Variants in SLCO3A1 observed in about 807,000 individuals in gnomAD.
SLCO3A1 encodes the protein solute carrier organic anion transporter family member 3A1, also known as PGE1 transporter.
SLCO3A1 carries 27 observed loss-of-function variants against 63.1 expected under a neutral mutation model. The observed-to-expected ratio is 0.43, with a 90% confidence interval of 0.32 to 0.59. The LOEUF (loss-of-function observed/expected upper bound fraction) is 0.59, where lower values mean the gene tolerates loss of function less well. Among genes scored for constraint, SLCO3A1 ranks in the 20% least tolerant of loss-of-function variants. The pLI, the probability that SLCO3A1 is intolerant of heterozygous loss-of-function variation, is 0.09. For missense variants in SLCO3A1, 773 were observed against 945.8 expected (o/e 0.82, Z 2.40); for synonymous variants, 473 against 409.9 (o/e 1.15, Z -1.86).
chr15:92,163,049 G>A lies in SLCO3A1; in HGVS notation c.2047G>A (p.Val683Met). Residue 683 changes from valine (V) to methionine (M), a missense_variant, in exon 10 of 10, where the codon GTG becomes ATG. Transcript: ENST00000318445. ...CCTAGACAACCTGGGGAGGGACCCT[G>A]TGCCCGCAAACCAGACACATAGGAC... ...LTLDNLGRDPVPANQTHRTKF... is the reference protein window; with the variant it reads ...LTLDNLGRDPMPANQTHRTKF... The A allele has an allele frequency of 6.3e-7, 1 of 1,584,578 alleles. No homozygotes were observed. Among genetic ancestry groups the A allele is most frequent in the Middle Eastern group, 1.7e-4 (1 of 5,888 alleles).
At position 92,162,937 on chromosome 15, in the gene SLCO3A1, G is replaced by A. The variant is rs1567156631; in HGVS notation, c.1935G>A (p.Trp645Ter). ...SFAFILYTTT[W>*]QCLRKNYKRY... Reference sequence around the variant, plus strand: ...CCTTCATCCTGTACACCACCACGTGGCAGTGCCTGAGGAAAAACTATAAAC... The same window carrying A: ...CCTTCATCCTGTACACCACCACGTGACAGTGCCTGAGGAAAAACTATAAAC... The change falls in exon 10 of 10, where the codon TGG (tryptophan) becomes TGA (stop). Residue 645 changes from tryptophan (W) to a stop codon, truncating the protein, a stop_gained. Transcript: ENST00000318445. LOFTEE classifies it high-confidence loss of function. 2 of 1,614,156 alleles carry A rather than the reference G, an allele frequency of 1.2e-6. No individual in the cohort carries two copies. The highest frequency in any genetic ancestry group is 1.7e-6 in the Non-Finnish European group (2 of 1,180,034).
chr15:92,071,718 G>A (rs959160644), intron 2 of SLCO3A1, among the ~76,000 whole-genome samples: 2 of 152,164 alleles, frequency 1.3e-5, no homozygotes, highest in Non-Finnish European at 2.9e-5. Flanking sequence ...CTTCAGTCGT[G>A]ACACCTGGGG....
At chr15:91,910,833 G>T (rs768350612) in intron 1 of SLCO3A1, among the ~76,000 whole-genome samples, 13 of 152,206 alleles carry the variant, frequency 8.5e-5, no homozygotes, top group Admixed American at 8.5e-4. Context: ...TTGCAGGTGG[G>T]AGGACACGCA....
In SLCO3A1 at chr15:92,151,123, C is replaced by A. The variant is rs2151593230; in HGVS notation, c.1753+109C>A. The A allele has an allele frequency of 6.2e-6, 5 of 807,414 alleles. No homozygotes were observed. In the East Asian group the frequency reaches 1.1e-4, roughly 17 times the overall value. 50.0% of individuals were successfully genotyped at this position (807,414 alleles called of 1,614,324 possible). The stretch of plus-strand genomic sequence containing the variant: ...CCTAGGTCTGTCTCTTTTTTCTTTG[C>A]AGTTTAATTATTAGTAAATAAGAAA... On this transcript the variant is annotated intron_variant, in intron 9 of 9. Coordinates refer to ENST00000318445, the MANE Select transcript of SLCO3A1 (RefSeq NM_013272.4).
At chr15:92,015,537 G>C (rs2046416599) in intron 2 of SLCO3A1, among the ~76,000 whole-genome samples, 1 of 152,100 alleles carries the variant, frequency 6.6e-6, no homozygotes, top group South Asian at 2.1e-4. Flanking sequence ...TCTCTCCCTT[G>C]ACACATGGGG....
chr15:91,985,453 A>G (rs935320982), intron 2 of SLCO3A1, among the ~76,000 whole-genome samples: 4 of 152,200 alleles, frequency 2.6e-5, no homozygotes, highest in African/African-American at 9.7e-5. Flanking sequence ...TTTGGTGAAC[A>G]TATGCCCACA....
At chr15:91,901,962 G>T (rs928370722) in intron 1 of SLCO3A1, among the ~76,000 whole-genome samples, 1 of 150,694 alleles carries the variant, frequency 6.6e-6, no homozygotes, top group Non-Finnish European at 1.5e-5. Context: ...ATGTATATTG[G>T]TATGCTCGGT....
intron 2 of SLCO3A1, among the ~76,000 whole-genome samples, chr15:92,030,896 A>C (rs2046638775): frequency 6.6e-6 from 1 of 152,156 alleles, no homozygotes; most frequent in African/African-American, 2.4e-5. Context: ...GGATTACTTT[A>C]AAAACAGATG....
At chr15:91,955,214 T>A (rs10852164) in intron 2 of SLCO3A1, among the ~76,000 whole-genome samples, 1 of 152,010 alleles carries the variant, frequency 6.6e-6, no homozygotes, top group Non-Finnish European at 1.5e-5. Context: ...AGTTAAACAC[T>A]GCACACAAGG....
At chr15:92,114,826 C>T (rs1005806340) in intron 4 of SLCO3A1, among the ~76,000 whole-genome samples, 2 of 152,142 alleles carry the variant, frequency 1.3e-5, no homozygotes, top group Admixed American at 6.5e-5. Context: ...CTTTGGAGCT[C>T]AGGCTGACCT....
In SLCO3A1 at chr15:92,163,218, A is replaced by AC; in HGVS notation, c.*85dup. The stretch of plus-strand genomic sequence containing the variant: ...AAAAGAAAAAAAGGTTCCAAAAAAA[A>AC]CCAAAACTCAGTACACACACACAGG... On this transcript the variant is annotated 3_prime_UTR_variant, in exon 10 of 10. Transcript: ENST00000318445. The AC allele has an allele frequency of 6.9e-7, 1 of 1,449,472 alleles. No homozygotes were observed. Among genetic ancestry groups the AC allele is most frequent in the Non-Finnish European group, 9.0e-7 (1 of 1,109,694 alleles). 89.8% of individuals were successfully genotyped at this position (1,449,472 alleles called of 1,614,324 possible). A position where few individuals can be genotyped will look rare whatever the true frequency, so the allele number is the denominator to read the frequency against.
Position 91,859,759 on chromosome 15 carries a change from T to A in SLCO3A1, c.180+5671T>A, listed in dbSNP as rs1036909088. ...AGCACCTTGAACAATATCTGGCACATAGTGAGTGCCCAGGAAATATTAGCT... is the reference window on the plus strand; with the variant it reads ...AGCACCTTGAACAATATCTGGCACAAAGTGAGTGCCCAGGAAATATTAGCT... On this transcript the variant is annotated intron_variant, in intron 1 of 9. Transcript: ENST00000318445. This position sits in a 1 kb window ranked among gnomAD's most constrained non-coding sequence, Gnocchi z 5.1. 3.3e-5 allele frequency among the ~76,000 whole-genome samples: 5 copies of A among 152,182 alleles called. No homozygotes were observed. Among genetic ancestry groups the A allele is most frequent in the Non-Finnish European group, 7.4e-5 (5 of 68,024 alleles).
intron 2 of SLCO3A1, among the ~76,000 whole-genome samples, chr15:92,081,202 A>G (rs4984334): frequency 2.0e-5 from 3 of 151,902 alleles, no homozygotes; most frequent in Non-Finnish European, 4.4e-5. Context: ...CATCCTGTCT[A>G]TATTTTTGCA....
intron 2 of SLCO3A1, among the ~76,000 whole-genome samples, chr15:92,094,165 G>C (rs1345549241): frequency 6.6e-6 from 1 of 152,168 alleles, no homozygotes; most frequent in Admixed American, 6.5e-5. Flanking sequence ...ACCAGGTATT[G>C]TATCGATCAG....
chr15:91,963,412 G>GC (rs55961800), intron 2 of SLCO3A1, among the ~76,000 whole-genome samples: 4 of 58,228 alleles, frequency 6.9e-5, no homozygotes, highest in South Asian at 8.1e-4. Flanking sequence ...GGAGGGTGGG[G>GC]GGGGGGGGCG....
At chr15:92,151,827 A>G (rs931588765) in intron 9 of SLCO3A1, among the ~76,000 whole-genome samples, 4 of 152,240 alleles carry the variant, frequency 2.6e-5, no homozygotes, top group African/African-American at 9.6e-5. Flanking sequence ...GTATTTTTAG[A>G]GTAGAAATAA....
In SLCO3A1 at chr15:92,164,131, C is replaced by CA. The variant is rs1168721031; in HGVS notation, c.*998dup. The CA allele has an allele frequency of 1.5e-5, 15 of 981,808 alleles. No individual in the cohort carries two copies. In the African/African-American group the frequency reaches 2.4e-4, roughly 16 times the overall value. The allele number at this position is 981,808 out of a possible 1,614,324, so 60.8% of individuals were successfully genotyped here. ...ACTTCTAAAATCTGTGTTAACCCTT[C>CA]AAGTCACTAACACAGTTCTCTAGGC... is the stretch of plus-strand genomic sequence containing the variant. On this transcript the variant is annotated 3_prime_UTR_variant, in exon 10 of 10. Transcript: ENST00000318445.
At position 92,051,272 on chromosome 15, in the gene SLCO3A1, T is replaced by A. The variant is rs576197320; in HGVS notation, c.647-43609T>A. Among the ~76,000 whole-genome samples, 507 of 152,140 alleles carry A rather than the reference T, an allele frequency of 3.3e-3. 1 individual carries two copies. The highest frequency in any genetic ancestry group is 0.011 in the African/African-American group (454 of 41,498). On this transcript the variant is annotated intron_variant, in intron 2 of 9. Coordinates refer to ENST00000318445, the MANE Select transcript of SLCO3A1 (RefSeq NM_013272.4). The stretch of plus-strand genomic sequence containing the variant: ...CCAGGTCAAGAGGTGGATGGAGAGA[T>A]TTCATCAGAGGCAACAGCATGTGTG...
intron 2 of SLCO3A1, among the ~76,000 whole-genome samples, chr15:91,990,721 A>C (rs188753647): frequency 6.6e-6 from 1 of 151,896 alleles, no homozygotes; most frequent in Admixed American, 6.6e-5. Flanking sequence ...ATTTTCTCTA[A>C]TTTGGACATA....
Sources: allele counts gnomAD v4.1 joint callset (sites outside exome capture counted in the v4.1 genomes callset), GRCh38; gene constraint gnomAD v4.1.1; non-coding constraint Gnocchi (gnomAD v3.1); transcripts MANE v1.5; gene names NCBI Gene and HGNC (gene_info 2026-07-23, HGNC 2026-07-21).